The following ZFYVE16 variants were observed in gnomAD, a reference collection of about 807,000 sequenced individuals.
ZFYVE16 encodes zinc finger FYVE domain-containing protein 16.
In ZFYVE16, 89 loss-of-function variants were observed where a neutral mutation model predicts 138.1. The observed-to-expected ratio is 0.64, with a 90% confidence interval of 0.54 to 0.77. The LOEUF (loss-of-function observed/expected upper bound fraction) is 0.77, where lower values mean the gene tolerates loss of function less well. Ranked by LOEUF, ZFYVE16 falls within the 30% of genes least tolerant of loss-of-function variation. ZFYVE16 has a pLI of 0.00. For missense variants in ZFYVE16, 1,793 were observed against 1,786.7 expected (o/e 1.00, Z -0.06); for synonymous variants, 596 against 618.3 (o/e 0.96, Z 0.53).
intron 1 of ZFYVE16, among the ~76,000 whole-genome samples, chr5:80,418,236 T>C (rs1304681131): frequency 1.3e-5 from 2 of 150,724 alleles, no homozygotes; most frequent in Non-Finnish European, 3.0e-5. Context: ...CTCCTTTCTC[T>C]TCTCCTCTCC....
intron 15 of ZFYVE16, among the ~76,000 whole-genome samples, chr5:80,466,803 C>G (rs1292082213): frequency 6.6e-6 from 1 of 152,204 alleles, no homozygotes; most frequent in African/African-American, 2.4e-5. Flanking sequence ...AGAAGCAACT[C>G]TTTCAGAACT....
rs369227671 is a variant in ZFYVE16 at position 80,437,605 on chromosome 5, C to T, written c.920C>T (p.Pro307Leu). 180 of 1,612,544 alleles carry T rather than the reference C, an allele frequency of 1.1e-4. 2 individuals carry two copies. Among genetic ancestry groups the T allele is most frequent in the East Asian group, 1.0e-3 (47 of 44,848 alleles). The change falls in exon 4 of 19, where the codon CCG (proline) becomes CTG (leucine). Residue 307 changes from proline to leucine, a missense_variant. Around this residue, in one of 2 missense-constraint regions of ZFYVE16, gnomAD observed 1,295 missense variants for 1,204.3 expected, o/e 1.08. Transcript: ENST00000505560. ...GKTSALTCSL[P>L]KNEDLCLNDS... Reference sequence around the variant, plus strand: ...ACAAGTGCTTTGACCTGCAGCCTTCCGAAAAATGAAGATTTATGCTTAAAT... The same window carrying T: ...ACAAGTGCTTTGACCTGCAGCCTTCTGAAAAATGAAGATTTATGCTTAAAT...
At position 80,482,344 on chromosome 5, in the gene ZFYVE16, T is replaced by C. The variant is rs1755302063; in HGVS notation, c.*4967T>C. The C allele has an allele frequency of 6.6e-6, 1 of 151,932 alleles. No individual in the cohort carries two copies. The highest frequency in any genetic ancestry group is 1.5e-5 in the Non-Finnish European group (1 of 67,996). 9.4% of individuals were successfully genotyped at this position (151,932 alleles called of 1,614,324 possible). ...AGGGAAGAGTCAGTAAATTTGAAGA[T>C]ACATGAGCAGAAATTATCTAGTCTG... On this transcript the variant is annotated 3_prime_UTR_variant, in exon 19 of 19. Coordinates refer to ENST00000505560, the MANE Select transcript of ZFYVE16 (RefSeq NM_001284236.3).
In ZFYVE16 at chr5:80,480,649, G is replaced by A. The variant is rs944592139; in HGVS notation, c.*3272G>A. Among the ~76,000 whole-genome samples, 7 of 152,108 alleles carry A rather than the reference G, an allele frequency of 4.6e-5. No homozygotes were observed. The highest frequency in any genetic ancestry group is 4.4e-5 in the Non-Finnish European group (3 of 68,020). On this transcript the variant is annotated 3_prime_UTR_variant, in exon 19 of 19. Coordinates refer to ENST00000505560, the MANE Select transcript of ZFYVE16 (RefSeq NM_001284236.3). ...ACACATAGACACATAATAAGGCCAG[G>A]TGCAGTGGCTCACACCTGTAATCGA...
At chr5:80,452,417 G>A (rs1752071805) in intron 11 of ZFYVE16, 1 of 104,928 alleles carries the variant, frequency 9.5e-6, no homozygotes, top group Admixed American at 1.6e-4. Context: ...CAGGGTGACA[G>A]AGCAAGACTA....
intron 5 of ZFYVE16, 174 bp from the exon 6 acceptor site, chr5:80,442,949 G>A (rs1750884619): frequency 1.8e-6 from 1 of 564,636 alleles, no homozygotes; most frequent in Admixed American, 4.0e-5. Context: ...GCCAACTAAA[G>A]AGCCTGTGCT....
rs1269692303 is a variant in ZFYVE16 at position 80,443,339 on chromosome 5, C to A, written c.2581+55C>A. 16 of 1,558,022 alleles carry A rather than the reference C, an allele frequency of 1.0e-5. No homozygotes were observed. The Admixed American group carries it at 2.5e-4, about 24-fold the overall frequency. On this transcript the variant is annotated intron_variant, in intron 6 of 18. Coordinates refer to ENST00000505560, the MANE Select transcript of ZFYVE16 (RefSeq NM_001284236.3). ...AAGATAAATTATTGAAATAGAAATT[C>A]TCTAATGTAGCCAGAGTCTAGTCAG...
rs1750120633 is a variant in ZFYVE16, at chr5:80,437,621, A to G, written c.936A>G (p.Leu312=). 1.2e-6 allele frequency: 2 copies of G among 1,612,270 alleles called. No homozygotes were observed. The highest frequency in any genetic ancestry group is 1.3e-5 in the African/African-American group (1 of 74,758). The change falls in exon 4 of 19, where the codon TTA becomes TTG. Residue 312 remains leucine, a synonymous_variant. Transcript: ENST00000505560. ...LTCSLPKNED[L]CLNDSNSRDE... is the part of the protein sequence containing the mutation. ...GCAGCCTTCCGAAAAATGAAGATTT[A>G]TGCTTAAATGATTCAAATTCAAGAG...
chr5:80,456,674 G>T, intron 13 of ZFYVE16, 109 bp downstream of exon 13: 1 of 934,448 alleles, frequency 1.1e-6, no homozygotes, highest in East Asian at 2.7e-5. Context: ...ATGTATTATG[G>T]CAACAAACAT....
At chr5:80,434,613 A>G (rs1157323003) in intron 3 of ZFYVE16, among the ~76,000 whole-genome samples, 1 of 152,058 alleles carries the variant, frequency 6.6e-6, no homozygotes, top group Non-Finnish European at 1.5e-5. Context: ...GTGGGACCAT[A>G]GGTGCATGCC....
Position 80,416,556 on chromosome 5 carries a change from A to ATT in ZFYVE16, c.-94+8418_-94+8419dup, listed in dbSNP as rs56106254. Among the ~76,000 whole-genome samples the ATT allele has an allele frequency of 5.6e-3, 802 of 142,280 alleles. 4 individuals are homozygous for ATT. The highest frequency in any genetic ancestry group is 0.018 in the African/African-American group (700 of 38,354). The allele number at this position is 142,280 out of a possible 152,430, so 93.3% of individuals were successfully genotyped here. On this transcript the variant is annotated intron_variant, in intron 1 of 18. Coordinates refer to ENST00000505560, the MANE Select transcript of ZFYVE16 (RefSeq NM_001284236.3). Reference sequence around the variant, plus strand: ...AGGCGAGAGACACTGCGCCCAGCCGATTTTTTTTTTTTTTTTAATGTGTTG... The same window carrying ATT: ...AGGCGAGAGACACTGCGCCCAGCCGATTTTTTTTTTTTTTTTTTAATGTGTTG...
intron 15 of ZFYVE16, among the ~76,000 whole-genome samples, chr5:80,468,253 A>G (rs980070218): frequency 3.3e-5 from 5 of 152,140 alleles, no homozygotes; most frequent in African/African-American, 1.2e-4. Context: ...CATATAGTAC[A>G]CCCTCACTTA....
At chr5:80,455,068 C>G (rs569833497) in intron 11 of ZFYVE16, 64 of 152,250 alleles carry the variant, frequency 4.2e-4, no homozygotes, top group African/African-American at 1.5e-3. Flanking sequence ...ATCTGTTTCA[C>G]CAATTATTAG....
chr5:80,431,857 C>G (rs1384250278), intron 2 of ZFYVE16, among the ~76,000 whole-genome samples: 2 of 152,072 alleles, frequency 1.3e-5, no homozygotes, highest in Non-Finnish European at 2.9e-5. Flanking sequence ...GAATAAAATA[C>G]CTAGGAATCC....
intron 9 of ZFYVE16, among the ~76,000 whole-genome samples, 176 bp downstream of exon 9, chr5:80,449,889 A>C (rs1171775602): frequency 6.6e-6 from 1 of 152,170 alleles, no homozygotes; most frequent in Non-Finnish European, 1.5e-5. Context: ...TAGGACTTGA[A>C]ACATGAGCTT....
chr5:80,448,096 C>G lies in ZFYVE16; in HGVS notation c.2795C>G (p.Thr932Arg), dbSNP rs769068687. ...CCAAACAATGAGACAGGAGATATTACAAGAAATGAGATAATTCAGAGTCCT... is the reference window on the plus strand; with the variant it reads ...CCAAACAATGAGACAGGAGATATTAGAAGAAATGAGATAATTCAGAGTCCT... ...EKPNNETGDI[T>R]RNEIIQSPIS... Residue 932 changes from threonine to arginine, a missense_variant, in exon 8 of 19, where the codon ACA becomes AGA. By Grantham distance (71) the Thr-to-Arg change is moderately conservative. Coordinates refer to ENST00000505560, the MANE Select transcript of ZFYVE16 (RefSeq NM_001284236.3). The G allele has an allele frequency of 6.2e-7, 1 of 1,613,606 alleles. No homozygotes were observed. Among genetic ancestry groups the G allele is most frequent in the Non-Finnish European group, 8.5e-7 (1 of 1,179,786 alleles).
At chr5:80,467,625 AAAAC>A (rs1367484004) in intron 15 of ZFYVE16, among the ~76,000 whole-genome samples, 11 of 152,244 alleles carry the variant, frequency 7.2e-5, no homozygotes, top group African/African-American at 2.4e-4. Context: ...AACAGCAACA[AAAAC>A]AAACTCTGTG....
At chr5:80,466,907 T>C (rs1227121826) in intron 15 of ZFYVE16, among the ~76,000 whole-genome samples, 1 of 152,216 alleles carries the variant, frequency 6.6e-6, no homozygotes, top group Non-Finnish European at 1.5e-5. Flanking sequence ...TTATTTTAAC[T>C]TGCCCTATAC....
At chr5:80,457,201 T>C in intron 14 of ZFYVE16, 109 bp downstream of exon 14, 1 of 1,427,224 alleles carries the variant, frequency 7.0e-7, no homozygotes, top group Non-Finnish European at 9.4e-7. Flanking sequence ...TTGTTGGTGA[T>C]AAAACAATAT....
Sources: gnomAD v4.1 joint callset for allele counts (sites outside exome capture counted in the v4.1 genomes callset) on GRCh38, gnomAD v4.1.1 for gene constraint, gnomAD v4.1.1 regional missense constraint, MANE v1.5 for transcripts, NCBI Gene and HGNC (gene_info 2026-07-23, HGNC 2026-07-21) for gene names.